The following HDAC9 variants were observed in gnomAD, a reference collection of about 807,000 sequenced individuals.
HDAC9 encodes the protein histone deacetylase 9, also known as MEF-2 interacting transcription repressor (MITR) protein.
HDAC9 carries 41 observed loss-of-function variants against 139.4 expected under a neutral mutation model. The ratio of observed to expected loss-of-function variants is 0.29; its 90% confidence interval spans 0.23 to 0.38. The LOEUF (loss-of-function observed/expected upper bound fraction) is 0.38. HDAC9 is among the 10% of genes least tolerant of loss of function. HDAC9 has a pLI of 1.00. For missense variants in HDAC9, 1,147 were observed against 1,297.0 expected, an observed-to-expected ratio of 0.88 and a Z score of 1.78; for synonymous variants, 517 against 476.2, an observed-to-expected ratio of 1.09 and a Z score of -1.12.
intron 1 of HDAC9, among the ~76,000 whole-genome samples, chr7:18,381,236 G>T (rs190284248): frequency 4.3e-4 from 58 of 134,066 alleles, no homozygotes; most frequent in Middle Eastern, 4.1e-3. Context: ...AGAAAAAAAA[G>T]AAAAATAAAA....
chr7:18,910,543 T>G (rs146655627), intron 22 of HDAC9, among the ~76,000 whole-genome samples: 1 of 152,008 alleles, frequency 6.6e-6, no homozygotes, highest in African/African-American at 2.4e-5. Flanking sequence ...GTTTTTCTCT[T>G]GCCTAATTGC....
At chr7:18,452,604 G>A (rs1204806469) in intron 1 of HDAC9, among the ~76,000 whole-genome samples, 1 of 152,158 alleles carries the variant, frequency 6.6e-6, no homozygotes, top group East Asian at 1.9e-4. Context: ...ACCTATAATT[G>A]TAGCTCCCAT....
At chr7:18,650,442 T>G (rs1424022459) in intron 11 of HDAC9, among the ~76,000 whole-genome samples, 1 of 152,178 alleles carries the variant, frequency 6.6e-6, no homozygotes, top group Non-Finnish European at 1.5e-5. Flanking sequence ...ACAAATGGTT[T>G]CTATGAATAC....
At chr7:18,718,424 G>A (rs1784875637) in intron 12 of HDAC9, among the ~76,000 whole-genome samples, 1 of 151,704 alleles carries the variant, frequency 6.6e-6, no homozygotes, top group Non-Finnish European at 1.5e-5. Context: ...GTAGAGACGG[G>A]GTTTCACCTT....
At chr7:18,364,952 G>A (rs1784065890) in intron 1 of HDAC9, among the ~76,000 whole-genome samples, 1 of 152,114 alleles carries the variant, frequency 6.6e-6, no homozygotes, top group Admixed American at 6.6e-5. Flanking sequence ...AGTTGAGTCT[G>A]TGTGCAGGTG....
intron 1 of HDAC9, among the ~76,000 whole-genome samples, chr7:18,418,465 A>G (rs533117331): frequency 1.3e-5 from 2 of 151,664 alleles, no homozygotes; most frequent in South Asian, 4.2e-4. Context: ...GAACACTTAA[A>G]GTTTTTAAAA....
intron 1 of HDAC9, among the ~76,000 whole-genome samples, chr7:18,386,743 A>G (rs17419357): frequency 0.18 from 28,056 of 152,162 alleles, 3,139 homozygotes; most frequent in Non-Finnish European, 0.23. Context: ...GTTTCAAGCA[A>G]TCTATTCCCA....
intron 22 of HDAC9, among the ~76,000 whole-genome samples, chr7:18,898,383 A>C (rs1276623676): frequency 2.0e-5 from 3 of 151,924 alleles, no homozygotes; most frequent in African/African-American, 7.2e-5. Flanking sequence ...AATAGCTAAA[A>C]ATTTTTTACA....
intron 1 of HDAC9, among the ~76,000 whole-genome samples, chr7:18,142,575 G>A (rs1173422944): frequency 6.6e-6 from 1 of 152,196 alleles, no homozygotes; most frequent in Non-Finnish European, 1.5e-5. Flanking sequence ...AAGGGAATTA[G>A]AGTTTTGTTA....
At chr7:18,139,905 A>G (rs1434307554) in intron 1 of HDAC9, among the ~76,000 whole-genome samples, 1 of 152,198 alleles carries the variant, frequency 6.6e-6, no homozygotes, top group Non-Finnish European at 1.5e-5. Flanking sequence ...CTGGGGGAGA[A>G]CAGCCCCGCC....
chr7:18,131,507 A>G (rs1785006699), intron 1 of HDAC9, among the ~76,000 whole-genome samples: 1 of 152,212 alleles, frequency 6.6e-6, no homozygotes, highest in Admixed American at 6.6e-5. Flanking sequence ...AATAATCTTC[A>G]TTTGTTTTTG....
intron 7 of HDAC9, among the ~76,000 whole-genome samples, chr7:18,634,210 A>G (rs1316021252): frequency 6.6e-6 from 1 of 152,044 alleles, no homozygotes. Flanking sequence ...TTCAGACCTA[A>G]TGGAATGGGT....
chr7:18,808,701 A>G (rs1156799289), intron 17 of HDAC9, among the ~76,000 whole-genome samples: 5 of 152,144 alleles, frequency 3.3e-5, no homozygotes, highest in Non-Finnish European at 5.9e-5. Flanking sequence ...AAGAATTAAC[A>G]TTGGTAAAAT....
chr7:18,723,553 G>A (rs530405398), intron 12 of HDAC9, among the ~76,000 whole-genome samples: 2 of 152,106 alleles, frequency 1.3e-5, no homozygotes. Flanking sequence ...TACTTATATT[G>A]CCATATTCCT....
At chr7:18,835,867 T>G in intron 20 of HDAC9, 33 bp from the exon 21 acceptor site, 1 of 1,412,008 alleles carries the variant, frequency 7.1e-7, no homozygotes, top group Non-Finnish European at 9.8e-7. Context: ...TGCTCTCTTC[T>G]CTGCCCACCG....
chr7:18,776,803 T>C (rs1312258034), intron 16 of HDAC9, among the ~76,000 whole-genome samples: 1 of 151,700 alleles, frequency 6.6e-6, no homozygotes, highest in Admixed American at 6.6e-5. Context: ...ATACTGAGGG[T>C]GCAAAGCAGA....
intron 2 of HDAC9, among the ~76,000 whole-genome samples, chr7:18,577,189 C>T (rs888098435): frequency 6.6e-6 from 1 of 152,218 alleles, no homozygotes; most frequent in Non-Finnish European, 1.5e-5. Flanking sequence ...TAACTTGTCT[C>T]TCTGACAGTG....
intron 16 of HDAC9, among the ~76,000 whole-genome samples, chr7:18,783,606 A>G (rs1414228432): frequency 6.6e-6 from 1 of 151,626 alleles, no homozygotes; most frequent in African/African-American, 2.4e-5. Flanking sequence ...AACCTCCTTG[A>G]ATTAAGCTTT....
intron 22 of HDAC9, among the ~76,000 whole-genome samples, chr7:18,926,850 C>T (rs1585327499): frequency 6.6e-6 from 1 of 152,272 alleles, no homozygotes; most frequent in East Asian, 1.9e-4. Context: ...TGGAGCATCA[C>T]TGACTAGAAG....
Sources: gnomAD v4.1 joint callset for allele counts (sites outside exome capture counted in the v4.1 genomes callset) on GRCh38, gnomAD v4.1.1 for gene constraint, MANE v1.5 for transcripts, NCBI Gene and HGNC (gene_info 2026-07-23, HGNC 2026-07-21) for gene names.